The following EXOSC10 variants were observed in gnomAD, a reference collection of about 807,000 sequenced individuals.
The protein encoded by EXOSC10 is exosome component 10.
A neutral mutation model predicts 126.6 loss-of-function variants in EXOSC10; 94 were observed. The observed-to-expected ratio is 0.74, with a 90% confidence interval of 0.63 to 0.88. EXOSC10 has a LOEUF of 0.88. Among genes scored for constraint, EXOSC10 ranks in the 40% least tolerant of loss-of-function variants. EXOSC10 has a pLI of 0.00. For missense variants in EXOSC10, 1,041 were observed against 1,100.5 expected, an observed-to-expected ratio of 0.95 and a Z score of 0.77; for synonymous variants, 395 against 400.8, an observed-to-expected ratio of 0.99 and a Z score of 0.17.
chr1:11,093,001 A>G (rs956687634), intron 3 of EXOSC10, among the ~76,000 whole-genome samples: 1 of 152,214 alleles, frequency 6.6e-6, no homozygotes, highest in Non-Finnish European at 1.5e-5. Context: ...GAGGTGTATT[A>G]AATGCATTTT....
chr1:11,066,896 G>T, intron 24 of EXOSC10, 148 bp from the exon 25 acceptor site: 1 of 843,422 alleles, frequency 1.2e-6, no homozygotes, highest in Non-Finnish European at 2.0e-6. Flanking sequence ...GCCCACCAGA[G>T]TTGGCTGAGC....
chr1:11,086,569 G>A (rs1469150474), intron 9 of EXOSC10, among the ~76,000 whole-genome samples: 1 of 152,108 alleles, frequency 6.6e-6, no homozygotes, highest in Non-Finnish European at 1.5e-5. Flanking sequence ...ATAGTTGGAA[G>A]TAAAGCTCTC....
rs529079038 is a variant in EXOSC10, at chr1:11,074,350, TC to T, written c.1987-25del. 218 of 1,508,332 alleles carry T rather than the reference TC, an allele frequency of 1.4e-4. No homozygotes were observed. In the African/African-American group the frequency reaches 2.6e-3, roughly 18 times the overall value. 93.4% of individuals were successfully genotyped at this position (1,508,332 alleles called of 1,614,324 possible). On this transcript the variant is annotated intron_variant, in intron 17 of 24. Coordinates refer to ENST00000376936, the MANE Select transcript of EXOSC10 (RefSeq NM_001001998.3). ...TCCTGCAGGGACAGACAAAAAACGATCACTAATGACCATGATCATCTGTGAC... is the reference window on the plus strand; with the variant it reads ...TCCTGCAGGGACAGACAAAAAACGATACTAATGACCATGATCATCTGTGAC...
At chr1:11,068,487 G>C (rs1363273700) in intron 23 of EXOSC10, 158 bp downstream of exon 23, 2 of 640,842 alleles carry the variant, frequency 3.1e-6, no homozygotes, top group African/African-American at 1.8e-5. Flanking sequence ...TGAGTTGCTG[G>C]GGTAGCTGAT....
chr1:11,094,233 C>G (rs898284725), intron 3 of EXOSC10, among the ~76,000 whole-genome samples: 3 of 151,954 alleles, frequency 2.0e-5, no homozygotes, highest in African/African-American at 7.3e-5. Context: ...TTACCTCGGC[C>G]TCCTACAGTG....
chr1:11,090,447 A>T (rs1640738983), intron 6 of EXOSC10, 107 bp downstream of exon 6: 2 of 901,054 alleles, frequency 2.2e-6, no homozygotes, highest in Admixed American at 2.1e-5. Context: ...TGTAAGGAGG[A>T]AATCACTACT....
chr1:11,067,202 C>T (rs1283917784), intron 24 of EXOSC10, among the ~76,000 whole-genome samples: 1 of 152,206 alleles, frequency 6.6e-6, no homozygotes, highest in Non-Finnish European at 1.5e-5. Flanking sequence ...GAGGCCGAGG[C>T]GGGCGGATCA....
At chr1:11,087,678 G>C (rs1640570221) in intron 8 of EXOSC10, 87 bp from the exon 9 acceptor site, 2 of 1,543,004 alleles carry the variant, frequency 1.3e-6, no homozygotes, top group East Asian at 4.5e-5. Flanking sequence ...CAGCTACAAA[G>C]CTAAGTTATA....
chr1:11,088,201 G>T lies in EXOSC10; in HGVS notation c.759-3C>A. On this transcript the variant is annotated splice_region_variant and splice_polypyrimidine_tract_variant and intron_variant, in intron 6 of 24. Transcript: ENST00000376936. ...CATATTGATAAGGATGTGCAAACCTGAGTAAATAAAACAAAAAGAGAAATC... is the reference window on the plus strand; with the variant it reads ...CATATTGATAAGGATGTGCAAACCTTAGTAAATAAAACAAAAAGAGAAATC... The T allele has an allele frequency of 6.3e-7, 1 of 1,599,980 alleles. No homozygotes were observed. The highest frequency in any genetic ancestry group is 1.3e-5 in the African/African-American group (1 of 74,420).
At chr1:11,082,630 G>A in intron 10 of EXOSC10, 58 bp downstream of exon 10, 1 of 1,601,972 alleles carries the variant, frequency 6.2e-7, no homozygotes, top group African/African-American at 1.3e-5. Context: ...TGGACGACAG[G>A]TTAATGAATA....
chr1:11,075,853 CAAAAAAAAAAAAAAAA>C (rs58667041), intron 17 of EXOSC10, among the ~76,000 whole-genome samples: 1 of 35,122 alleles, frequency 2.8e-5, no homozygotes, highest in African/African-American at 1.3e-4. Context: ...GATCCTGTCA[CAAAAAAAAAAAAAAAA>C]AAAAAAAAAA....
Position 11,095,880 on chromosome 1 carries a change from T to C in EXOSC10, c.250A>G (p.Met84Val), listed in dbSNP as rs1375555193. ...CCATGGTACTGCATTACTCTGCTCA[T>C]GCTAAGGAAAGGAAAACCAAGGTTA... is the stretch of plus-strand genomic sequence containing the variant. ...ETQGDRLLQC[M>V]SRVMQYHGCR... is the part of the protein sequence containing the mutation. The change falls in exon 3 of 25, where the codon ATG (methionine) becomes GTG (valine). Residue 84 changes from methionine to valine, a missense_variant and splice_region_variant. Around this residue, in one of 3 missense-constraint regions of EXOSC10, gnomAD observed 645 missense variants for 656.3 expected, o/e 0.98. Coordinates refer to ENST00000376936, the MANE Select transcript of EXOSC10 (RefSeq NM_001001998.3). The C allele has an allele frequency of 2.5e-6, 4 of 1,610,548 alleles. No homozygotes were observed. Among genetic ancestry groups the C allele is most frequent in the Non-Finnish European group, 3.4e-6 (4 of 1,177,634 alleles).
chr1:11,079,596 G>C, intron 14 of EXOSC10, 115 bp downstream of exon 14: 2 of 788,452 alleles, frequency 2.5e-6, no homozygotes, highest in Non-Finnish European at 4.2e-6. Context: ...GTTTCACCAT[G>C]TTGGCCAGGC....
intron 20 of EXOSC10, 44 bp downstream of exon 20, chr1:11,072,043 C>T (rs776249382): frequency 6.6e-7 from 1 of 1,507,592 alleles, no homozygotes; most frequent in Non-Finnish European, 9.2e-7. Context: ...TGTGCAACAG[C>T]CATTCTTTAA....
intron 14 of EXOSC10, 70 bp from the exon 15 acceptor site, chr1:11,077,721 C>T (rs2259886): frequency 0.7 from 971,750 of 1,383,148 alleles, 354,056 homozygotes; most frequent in East Asian, 0.77. Context: ...CAGTCTCCAG[C>T]GCTGACTGTA....
Position 11,082,886 on chromosome 1 carries a change from C to G in EXOSC10, c.1090-8G>C, listed in dbSNP as rs756802632. ...ATCAGCACCATGAAAGACCTGAAAA[C>G]AGAACCAAAGTCATGCAGTACACTG... On this transcript the variant is annotated splice_polypyrimidine_tract_variant and splice_region_variant and intron_variant, in intron 9 of 24. Coordinates refer to ENST00000376936, the MANE Select transcript of EXOSC10 (RefSeq NM_001001998.3). 1.8e-5 allele frequency: 29 copies of G among 1,612,702 alleles called. No individual in the cohort carries two copies. Among genetic ancestry groups the G allele is most frequent in the Non-Finnish European group, 2.4e-5 (28 of 1,178,756 alleles).
intron 3 of EXOSC10, among the ~76,000 whole-genome samples, chr1:11,092,530 T>C (rs1428981365): frequency 6.6e-6 from 1 of 151,764 alleles, no homozygotes; most frequent in Admixed American, 6.6e-5. Flanking sequence ...TCTTTTTTTT[T>C]TTTTTGAGAG....
chr1:11,071,012 C>T (rs1229997019), intron 20 of EXOSC10, 39 bp from the exon 21 acceptor site: 17 of 1,589,448 alleles, frequency 1.1e-5, no homozygotes, highest in African/African-American at 1.3e-5. Context: ...TTGGTGAATC[C>T]AGCAACCACC....
chr1:11,069,642 G>A lies in EXOSC10; in HGVS notation c.2405C>T (p.Ser802Phe), dbSNP rs751132534. Residue 802 changes from serine to phenylalanine, a missense_variant, in exon 22 of 25, where the codon TCC (serine) becomes TTC (phenylalanine). By Grantham distance (155) the Ser-to-Phe change is radical (BLOSUM62 -2). Around this residue, in one of 3 missense-constraint regions of EXOSC10, gnomAD observed 388 missense variants for 415.2 expected, o/e 0.93. Transcript: ENST00000376936. ...QKQEKKRLKISKKPKDPEPPE... is the reference protein window; with the variant it reads ...QKQEKKRLKIFKKPKDPEPPE... ...TGGCTCTGGGTCCTTTGGCTTCTTGGAAATTTTGAGTCGTTTCTTCTCTTG... is the reference window on the plus strand; with the variant it reads ...TGGCTCTGGGTCCTTTGGCTTCTTGAAAATTTTGAGTCGTTTCTTCTCTTG... 8 of 1,614,194 alleles carry A rather than the reference G, an allele frequency of 5.0e-6. No homozygotes were observed. The highest frequency in any genetic ancestry group is 4.5e-5 in the East Asian group (2 of 44,884).
Sources: gnomAD v4.1 joint callset for allele counts (sites outside exome capture counted in the v4.1 genomes callset) on GRCh38, gnomAD v4.1.1 for gene constraint, gnomAD v4.1.1 regional missense constraint, MANE v1.5 for transcripts, NCBI Gene and HGNC (gene_info 2026-07-23, HGNC 2026-07-21) for gene names.